Variants in CSMD3 observed in about 807,000 individuals in gnomAD.
CSMD3 encodes the protein CUB and Sushi multiple domains 3, also known as CUB and sushi domain-containing protein 3.
A neutral mutation model predicts 435.2 loss-of-function variants in CSMD3; 177 were observed. The ratio of observed to expected loss-of-function variants is 0.41; its 90% CI spans 0.36 to 0.46. The LOEUF is 0.46. CSMD3 is among the 20% of genes least tolerant of loss of function. CSMD3 has a pLI of 0.34. For synonymous variants in CSMD3, 1,656 were observed against 1,520.5 expected, an observed-to-expected ratio of 1.09 and a Z score of -2.07; for missense variants, 4,265 against 4,504.6, an observed-to-expected ratio of 0.95 and a Z score of 1.52.
chr8:113,189,223 G>A (rs377517126), intron 3 of CSMD3, among the ~76,000 whole-genome samples: 1 of 151,740 alleles, frequency 6.6e-6, no homozygotes, highest in South Asian at 2.1e-4. Flanking sequence ...TGTAGTTCAT[G>A]ATACAATACA....
intron 28 of CSMD3, among the ~76,000 whole-genome samples, chr8:112,512,696 G>C (rs971267489): frequency 2.0e-5 from 3 of 152,172 alleles, no homozygotes; most frequent in African/African-American, 7.2e-5. Flanking sequence ...GCCCCTATAA[G>C]AGAGTCAGCC....
intron 10 of CSMD3, among the ~76,000 whole-genome samples, chr8:112,916,415 G>C (rs1045663011): frequency 2.0e-5 from 3 of 151,506 alleles, no homozygotes; most frequent in Admixed American, 2.0e-4. Flanking sequence ...AGTAAGGCTT[G>C]TTTCCTAATC....
chr8:113,373,049 A>C (rs1404798848), intron 1 of CSMD3, among the ~76,000 whole-genome samples: 2 of 152,180 alleles, frequency 1.3e-5, no homozygotes, highest in Non-Finnish European at 2.9e-5. Flanking sequence ...GGTATAAAAT[A>C]ATACTGTTTA....
chr8:113,310,235 T>G (rs1167021264), intron 2 of CSMD3: 1 of 152,104 alleles, frequency 6.6e-6, no homozygotes, highest in South Asian at 2.1e-4. Flanking sequence ...ATATTTCATA[T>G]GTATTAAGGT....
chr8:112,749,731 A>C (rs1227526226), intron 13 of CSMD3, among the ~76,000 whole-genome samples: 1 of 152,140 alleles, frequency 6.6e-6, no homozygotes, highest in African/African-American at 2.4e-5. Flanking sequence ...CAGTGGTTTT[A>C]TTTATGAAGT....
At chr8:113,404,630 C>A (rs566106275) in intron 1 of CSMD3, among the ~76,000 whole-genome samples, 1 of 151,252 alleles carries the variant, frequency 6.6e-6, no homozygotes, top group Non-Finnish European at 1.5e-5. Context: ...ATTCACTCAT[C>A]TATTCAGCAA....
chr8:113,218,856 G>A (rs2092935749), intron 3 of CSMD3, among the ~76,000 whole-genome samples: 2 of 150,918 alleles, frequency 1.3e-5, no homozygotes, highest in African/African-American at 2.4e-5. Context: ...GATATCTTGG[G>A]GATGGGATCC....
At chr8:113,335,446 AT>A (rs1029240264) in intron 1 of CSMD3, among the ~76,000 whole-genome samples, 1 of 126,210 alleles carries the variant, frequency 7.9e-6, no homozygotes, top group Non-Finnish European at 1.7e-5. Flanking sequence ...TTTCTCTATT[AT>A]TTTCTCTATT....
intron 13 of CSMD3, among the ~76,000 whole-genome samples, chr8:112,729,985 A>G (rs775294259): frequency 2.6e-5 from 4 of 152,128 alleles, no homozygotes; most frequent in Non-Finnish European, 5.9e-5. Context: ...CAAATATACT[A>G]TTGAAGTATT....
chr8:113,151,202 CT>C (rs370790957), intron 4 of CSMD3, among the ~76,000 whole-genome samples: 4 of 152,096 alleles, frequency 2.6e-5, no homozygotes, highest in African/African-American at 9.6e-5. Context: ...ACCACATTCA[CT>C]TTTCTGTTTC....
intron 10 of CSMD3, among the ~76,000 whole-genome samples, chr8:112,874,549 G>T (rs2081226913): frequency 6.6e-6 from 1 of 151,862 alleles, no homozygotes; most frequent in Non-Finnish European, 1.5e-5. Context: ...GTTTTTGTAG[G>T]GTCTCTAAGA....
At chr8:113,083,221 A>G (rs1404655934) in intron 5 of CSMD3, among the ~76,000 whole-genome samples, 4 of 152,042 alleles carry the variant, frequency 2.6e-5, no homozygotes, top group African/African-American at 9.7e-5. Flanking sequence ...TCAAAGACAA[A>G]GAGAGAATTC....
At position 112,656,336 on chromosome 8, in the gene CSMD3, T is replaced by C; in HGVS notation, c.2822A>G (p.Gln941Arg). Residue 941 changes from glutamine to arginine, a missense_variant, in exon 18 of 71, where the codon CAG becomes CGG. Around this residue, in one of 3 missense-constraint regions of CSMD3, gnomAD observed 3,255 missense variants for 3,380.2 expected, o/e 0.96. Coordinates refer to ENST00000297405, the MANE Select transcript of CSMD3 (RefSeq NM_198123.2). Reference sequence around the variant, plus strand: ...CAGAACATCATAATTCAGTTCAGTCTGAAATCTAAGATTAAAAGACACATG... The same window carrying C: ...CAGAACATCATAATTCAGTTCAGTCCGAAATCTAAGATTAAAAGACACATG... Reference protein sequence around the residue: ...HSIKITFERFQTELNYDVLEV... With the variant: ...HSIKITFERFRTELNYDVLEV... 1 of 1,610,524 alleles carries C rather than the reference T, an allele frequency of 6.2e-7. No homozygotes were observed. The highest frequency in any genetic ancestry group is 1.3e-5 in the African/African-American group (1 of 74,972).
At chr8:113,186,156 T>TG (rs2092497986) in intron 3 of CSMD3, among the ~76,000 whole-genome samples, 1 of 152,038 alleles carries the variant, frequency 6.6e-6, no homozygotes, top group Admixed American at 6.6e-5. Context: ...AAAAGGGTTC[T>TG]GCATGGCCAT....
At chr8:112,599,710 T>C (rs1157040166) in intron 22 of CSMD3, among the ~76,000 whole-genome samples, 1 of 151,436 alleles carries the variant, frequency 6.6e-6, no homozygotes, top group South Asian at 2.1e-4. Flanking sequence ...TGAGTTCATG[T>C]CCTTTGTAGG....
chr8:112,896,979 T>G (rs1014210101), intron 10 of CSMD3, among the ~76,000 whole-genome samples: 3 of 151,432 alleles, frequency 2.0e-5, no homozygotes, highest in African/African-American at 7.3e-5. Flanking sequence ...TCTAATTTCT[T>G]CACCCCTGTT....
At chr8:112,373,371 G>T (rs1434551471) in intron 38 of CSMD3, among the ~76,000 whole-genome samples, 1 of 152,008 alleles carries the variant, frequency 6.6e-6, no homozygotes, top group Non-Finnish European at 1.5e-5. Context: ...AATGTGCAGT[G>T]ACATAGGTGT....
intron 4 of CSMD3, among the ~76,000 whole-genome samples, chr8:113,131,663 C>T (rs752260455): frequency 2.6e-5 from 4 of 152,140 alleles, no homozygotes; most frequent in Non-Finnish European, 4.4e-5. Flanking sequence ...GGGTTGGAGA[C>T]ACCACAGAGT....
chr8:112,683,361 T>G (rs569468002), intron 15 of CSMD3, among the ~76,000 whole-genome samples: 3 of 152,098 alleles, frequency 2.0e-5, no homozygotes, highest in African/African-American at 7.2e-5. Flanking sequence ...AGGATTGAAA[T>G]GTATCCCCTG....
Sources: gnomAD v4.1 joint callset for allele counts (sites outside exome capture counted in the v4.1 genomes callset) on GRCh38, gnomAD v4.1.1 for gene constraint, gnomAD v4.1.1 regional missense constraint, MANE v1.5 for transcripts, NCBI Gene and HGNC (gene_info 2026-07-23, HGNC 2026-07-21) for gene names.